The following FAM222B variants were observed in gnomAD, a reference collection of about 807,000 sequenced individuals.
FAM222B encodes the protein family with sequence similarity 222 member B.
A neutral mutation model predicts 38.0 loss-of-function variants in FAM222B; 12 were observed. The ratio of observed to expected loss-of-function variants is 0.32; its 90% CI spans 0.20 to 0.51. The LOEUF (loss-of-function observed/expected upper bound fraction) is 0.51. FAM222B is among the 20% of genes least tolerant of loss of function. The probability of loss-of-function intolerance (pLI) is 0.97; values close to 1 mark genes in which losing one functional copy is unlikely to be tolerated. For synonymous variants in FAM222B, 329 were observed against 317.2 expected, an observed-to-expected ratio of 1.04 and a Z score of -0.40; for missense variants, 716 against 754.2, an observed-to-expected ratio of 0.95 and a Z score of 0.59.
At chr17:28,785,490 C>T (rs2036363596) in intron 1 of FAM222B, among the ~76,000 whole-genome samples, 2 of 152,142 alleles carry the variant, frequency 1.3e-5, no homozygotes, top group Non-Finnish European at 2.9e-5. Context: ...ACGACAAAAA[C>T]ACACAATTCT....
At chr17:28,839,473 C>T (rs1461678347) in intron 1 of FAM222B, among the ~76,000 whole-genome samples, 2 of 152,182 alleles carry the variant, frequency 1.3e-5, no homozygotes, top group South Asian at 2.1e-4. Context: ...ATTCTCATCA[C>T]AGCTGAACAA....
intron 1 of FAM222B, among the ~76,000 whole-genome samples, chr17:28,794,411 G>GGT (rs1239405904): frequency 2.0e-5 from 3 of 151,584 alleles, no homozygotes; most frequent in Non-Finnish European, 2.9e-5. Context: ...GTAGAGACGG[G>GGT]GTTTCAACAT....
intron 1 of FAM222B, chr17:28,812,098 T>C (rs961143497): frequency 3.9e-5 from 6 of 152,140 alleles, no homozygotes; most frequent in African/African-American, 1.4e-4. Flanking sequence ...AAACAGATAA[T>C]CAAAATAAAC....
chr17:28,810,889 T>C (rs2037727753), intron 1 of FAM222B, among the ~76,000 whole-genome samples: 1 of 152,184 alleles, frequency 6.6e-6, no homozygotes, highest in African/African-American at 2.4e-5. Context: ...TCTAGAGATC[T>C]AATAAATCAA....
intron 1 of FAM222B, among the ~76,000 whole-genome samples, chr17:28,825,684 G>C (rs948079718): frequency 1.3e-5 from 2 of 152,090 alleles, no homozygotes; most frequent in Non-Finnish European, 2.9e-5. Context: ...CATATCCTTA[G>C]AGAGATATTC....
At chr17:28,820,182 A>G (rs904827392) in intron 1 of FAM222B, among the ~76,000 whole-genome samples, 1 of 152,110 alleles carries the variant, frequency 6.6e-6, no homozygotes, top group Non-Finnish European at 1.5e-5. Context: ...TCCCATAACC[A>G]TTTCAGTTTT....
At chr17:28,815,334 C>A (rs1173113507) in intron 1 of FAM222B, among the ~76,000 whole-genome samples, 1 of 151,988 alleles carries the variant, frequency 6.6e-6, no homozygotes, top group African/African-American at 2.4e-5. Context: ...CTGCCTCAGC[C>A]TCCCAAGTAG....
intron 1 of FAM222B, among the ~76,000 whole-genome samples, chr17:28,770,438 T>C (rs1597866939): frequency 6.6e-6 from 1 of 152,214 alleles, no homozygotes; most frequent in East Asian, 1.9e-4. Context: ...TCAGACAGCC[T>C]ATCAGCCAGG....
At chr17:28,781,207 G>A (rs2036153781) in intron 1 of FAM222B, among the ~76,000 whole-genome samples, 2 of 151,968 alleles carry the variant, frequency 1.3e-5, no homozygotes, top group African/African-American at 2.4e-5. Context: ...CTGAGGTGGG[G>A]GGATCACCTG....
intron 1 of FAM222B, among the ~76,000 whole-genome samples, chr17:28,774,418 C>G (rs1181255168): frequency 6.6e-6 from 1 of 152,136 alleles, no homozygotes; most frequent in Non-Finnish European, 1.5e-5. Flanking sequence ...TTCCTAACGC[C>G]AGCTGGTATG....
intron 1 of FAM222B, chr17:28,834,931 T>G (rs1214939096): frequency 6.6e-6 from 1 of 150,972 alleles, no homozygotes; most frequent in African/African-American, 2.4e-5. Context: ...CTCAGCTCAC[T>G]GCAACCTATG....
At chr17:28,769,586 C>G (rs34463441) in intron 1 of FAM222B, among the ~76,000 whole-genome samples, 1 of 152,092 alleles carries the variant, frequency 6.6e-6, no homozygotes, top group South Asian at 2.1e-4. Context: ...CGTGAGCCAC[C>G]GCGCCCGGCC....
At chr17:28,775,026 AGTCTTGCTCT>A (rs2035817382) in intron 1 of FAM222B, among the ~76,000 whole-genome samples, 1 of 138,496 alleles carries the variant, frequency 7.2e-6, no homozygotes, top group Admixed American at 7.4e-5. Flanking sequence ...TTTTTGAGAC[AGTCTTGCTCT>A]GTTGCCCCGG....
intron 1 of FAM222B, among the ~76,000 whole-genome samples, chr17:28,804,537 T>C (rs919218512): frequency 2.0e-5 from 3 of 151,974 alleles, no homozygotes; most frequent in African/African-American, 7.2e-5. Context: ...GGTTTCACTA[T>C]GTTGGCCAGG....
chr17:28,804,851 G>A (rs534118300), intron 1 of FAM222B, among the ~76,000 whole-genome samples: 46 of 149,464 alleles, frequency 3.1e-4, no homozygotes, highest in Admixed American at 3.1e-3. Flanking sequence ...GACCATCCTG[G>A]CTAACACAGT....
intron 1 of FAM222B, among the ~76,000 whole-genome samples, chr17:28,833,180 G>A (rs1462490854): frequency 2.6e-5 from 4 of 151,500 alleles, no homozygotes; most frequent in Non-Finnish European, 4.4e-5. Context: ...ATGGTGGCAC[G>A]CGCCTGTAGT....
upstream of FAM222B, among the ~76,000 whole-genome samples, chr17:28,847,175 A>G (rs574510744): frequency 7.2e-5 from 11 of 152,024 alleles, no homozygotes; most frequent in Admixed American, 7.2e-4. Context: ...GTGAGCCGAG[A>G]TAGTGCCATT....
rs1383417323 is a variant in FAM222B at position 28,757,434 on chromosome 17, C to G, written c.*836G>C. On this transcript the variant is annotated 3_prime_UTR_variant, in exon 3 of 3. Transcript: ENST00000581407. Reference sequence around the variant, plus strand: ...TCCAATGTGATCATTCCTTACCTACCTAATTCCTCAAGTAAGGTAGATTTT... The same window carrying G: ...TCCAATGTGATCATTCCTTACCTACGTAATTCCTCAAGTAAGGTAGATTTT... 2 of 151,676 alleles carry G rather than the reference C, an allele frequency of 1.3e-5. No homozygotes were observed. The highest frequency in any genetic ancestry group is 2.9e-5 in the Non-Finnish European group (2 of 67,990). The allele number at this position is 151,676 out of a possible 1,614,324, so 9.4% of individuals were successfully genotyped here. A position where few individuals can be genotyped will look rare whatever the true frequency, so the allele number is the denominator to read the frequency against.
At position 28,757,962 on chromosome 17, in the gene FAM222B, A is replaced by C. The variant is rs1183467947; in HGVS notation, c.*308T>G. 3.6e-6 allele frequency: 1 copy of C among 278,326 alleles called. No individual in the cohort carries two copies. The highest frequency in any genetic ancestry group is 6.8e-6 in the Non-Finnish European group (1 of 147,554). 17.2% of individuals were successfully genotyped at this position (278,326 alleles called of 1,614,324 possible). A position where few individuals can be genotyped will look rare whatever the true frequency, so the allele number is the denominator to read the frequency against. On this transcript the variant is annotated 3_prime_UTR_variant, in exon 3 of 3. Coordinates refer to ENST00000581407, the MANE Select transcript of FAM222B (RefSeq NM_001077498.3). ...CTCAGTCGTCCTAAGGGAAACAGGAAGAGATTCAAGAAAAGATGGGTGGGA... is the reference window on the plus strand; with the variant it reads ...CTCAGTCGTCCTAAGGGAAACAGGACGAGATTCAAGAAAAGATGGGTGGGA...
Sources: gnomAD v4.1 joint callset for allele counts (sites outside exome capture counted in the v4.1 genomes callset) on GRCh38, gnomAD v4.1.1 for gene constraint, MANE v1.5 for transcripts, NCBI Gene and HGNC (gene_info 2026-07-23, HGNC 2026-07-21) for gene names.